The following TRMT9B variants were observed in gnomAD, a reference collection of about 807,000 sequenced individuals.
TRMT9B encodes tRNA methyltransferase 9B (putative).
TRMT9B carries 16 observed loss-of-function variants against 11.5 expected under a neutral mutation model. The ratio of observed to expected loss-of-function variants is 1.39; its 90% CI spans 0.94 to 2.11. TRMT9B has a LOEUF of 2.11. Among genes scored for constraint, TRMT9B ranks in the 30% most tolerant of loss-of-function variants. TRMT9B has a pLI of 0.00. For missense variants in TRMT9B, 941 were observed against 553.8 expected (o/e 1.70, Z -7.02); for synonymous variants, 274 against 192.4 (o/e 1.42, Z -3.51).
chr8:12,960,285 G>C (rs1201507020), intron 1 of TRMT9B: 1 of 152,226 alleles, frequency 6.6e-6, no homozygotes, highest in Non-Finnish European at 1.5e-5. Flanking sequence ...GTCACTAGTA[G>C]TAACCAAGCT....
rs191837653 is a variant in TRMT9B, at chr8:13,011,654, G to A, written c.155-1030G>A. ...ACTACCTACCTCAATCATAACATCAGTAAGACCTCAATGATCTAAATATTT... is the reference window on the plus strand; with the variant it reads ...ACTACCTACCTCAATCATAACATCAATAAGACCTCAATGATCTAAATATTT... On this transcript the variant is annotated intron_variant, in intron 3 of 4. Coordinates refer to ENST00000524591, the MANE Select transcript of TRMT9B (RefSeq NM_020844.3). 45 of 979,386 alleles carry A rather than the reference G, an allele frequency of 4.6e-5. No homozygotes were observed. In the East Asian group the frequency reaches 3.9e-3, roughly 84 times the overall value. 60.7% of individuals were successfully genotyped at this position (979,386 alleles called of 1,614,324 possible).
At chr8:12,999,209 G>C (rs1167400063) in intron 2 of TRMT9B, among the ~76,000 whole-genome samples, 1 of 148,792 alleles carries the variant, frequency 6.7e-6, no homozygotes. Context: ...TGAGGCAGGA[G>C]AATCGCTTGA....
At chr8:12,955,645 C>A (rs1226469344) in intron 1 of TRMT9B, among the ~76,000 whole-genome samples, 2 of 152,120 alleles carry the variant, frequency 1.3e-5, no homozygotes, top group East Asian at 1.9e-4. Context: ...GTGTTACGTC[C>A]CATTTTGCTG....
chr8:12,983,845 C>T (rs528970792), intron 1 of TRMT9B, among the ~76,000 whole-genome samples: 39 of 152,224 alleles, frequency 2.6e-4, no homozygotes, highest in African/African-American at 8.9e-4. Context: ...AAAGCGTGCT[C>T]TTATTTGTTG....
intron 3 of TRMT9B, chr8:13,011,730 A>G (rs936653612): frequency 1.0e-6 from 1 of 972,304 alleles, no homozygotes; most frequent in Non-Finnish European, 1.2e-6. Flanking sequence ...GAAAGTGAAT[A>G]TCAAAAATTG....
intron 4 of TRMT9B, among the ~76,000 whole-genome samples, chr8:13,014,664 C>A (rs2128896456): frequency 6.6e-6 from 1 of 152,280 alleles, no homozygotes; most frequent in Admixed American, 6.5e-5. Context: ...AGTCTATAAC[C>A]CGGAGAAAAC....
At chr8:12,976,586 A>T (rs1451068891) in intron 1 of TRMT9B, among the ~76,000 whole-genome samples, 1 of 152,102 alleles carries the variant, frequency 6.6e-6, no homozygotes, top group Non-Finnish European at 1.5e-5. Context: ...CTAAAAATAC[A>T]AAAAATAAAA....
intron 1 of TRMT9B, chr8:12,958,383 G>A (rs1801593861): frequency 6.6e-6 from 1 of 152,098 alleles, no homozygotes; most frequent in South Asian, 2.1e-4. Flanking sequence ...ATTAAAAATG[G>A]AAGGAAAAGA....
intron 1 of TRMT9B, among the ~76,000 whole-genome samples, chr8:12,978,185 C>T (rs1269375957): frequency 6.6e-6 from 1 of 152,176 alleles, no homozygotes; most frequent in Non-Finnish European, 1.5e-5. Context: ...ATGTGCATAA[C>T]TCACAAACTT....
intron 1 of TRMT9B, among the ~76,000 whole-genome samples, chr8:12,976,910 T>G (rs929687285): frequency 1.4e-4 from 21 of 151,820 alleles, no homozygotes; most frequent in African/African-American, 5.1e-4. Context: ...TGGGAGGGAG[T>G]TGGGGTAATA....
At chr8:13,015,849 A>G (rs1180068590) in intron 4 of TRMT9B, among the ~76,000 whole-genome samples, 1 of 152,100 alleles carries the variant, frequency 6.6e-6, no homozygotes. Context: ...CCATCTTCGA[A>G]TTAAAAATGC....
chr8:12,976,541 A>G (rs889086018), intron 1 of TRMT9B, among the ~76,000 whole-genome samples: 2 of 152,026 alleles, frequency 1.3e-5, no homozygotes, highest in African/African-American at 4.8e-5. Flanking sequence ...GGAGTTTGAG[A>G]CCAGCCTGGG....
chr8:12,975,391 A>C (rs1469165832), intron 1 of TRMT9B, among the ~76,000 whole-genome samples: 1 of 152,156 alleles, frequency 6.6e-6, no homozygotes, highest in Admixed American at 6.5e-5. Context: ...AGAACTTATT[A>C]ATTGCTCCTT....
At chr8:12,990,537 C>T (rs190098302) in intron 1 of TRMT9B, among the ~76,000 whole-genome samples, 110 of 151,982 alleles carry the variant, frequency 7.2e-4, no homozygotes, top group Non-Finnish European at 1.4e-3. Flanking sequence ...TAATTAAGCC[C>T]CTGGAATCAG....
At chr8:13,010,207 T>C (rs1811338806) in intron 3 of TRMT9B, 3 of 853,180 alleles carry the variant, frequency 3.5e-6, no homozygotes, top group Non-Finnish European at 4.2e-6. Flanking sequence ...ACTACATCTA[T>C]AGTAAATATC....
At chr8:13,020,877 TG>T in intron 4 of TRMT9B, 130 bp from the exon 5 acceptor site, 1 of 581,474 alleles carries the variant, frequency 1.7e-6, no homozygotes, top group African/African-American at 1.9e-5. Context: ...TCATCATCGT[TG>T]CCATGGAGGA....
rs148115840 is a variant in TRMT9B at position 12,984,648 on chromosome 8, C to T, written c.-199-6186C>T. 1.1e-4 allele frequency among the ~76,000 whole-genome samples: 16 copies of T among 152,146 alleles called. 1 individual carries two copies. The highest frequency in any genetic ancestry group is 2.9e-4 in the African/African-American group (12 of 41,510). On this transcript the variant is annotated intron_variant, in intron 1 of 4. Transcript: ENST00000524591. The stretch of plus-strand genomic sequence containing the variant: ...CTTCCACGGTACTATTTTGGGGGAC[C>T]TATTGCTTTTATCTCAACAAAACTG...
rs75755027 is a variant in TRMT9B, at chr8:13,008,634, C to G, written c.154+2278C>G. On this transcript the variant is annotated intron_variant, in intron 3 of 4. Coordinates refer to ENST00000524591, the MANE Select transcript of TRMT9B (RefSeq NM_020844.3). ...ACCCTATAAAAATGGAAAAGTTCCA[C>G]AAGACAAAAATCTAGACAGACATAC... 5.6e-3 allele frequency among the ~76,000 whole-genome samples: 859 copies of G among 152,294 alleles called. 3 individuals carry two copies. The highest frequency in any genetic ancestry group is 0.02 in the African/African-American group (829 of 41,564).
chr8:13,012,725 C>T lies in TRMT9B; in HGVS notation c.196C>T (p.His66Tyr). 2.5e-6 allele frequency: 4 copies of T among 1,613,932 alleles called. No homozygotes were observed. The highest frequency in any genetic ancestry group is 3.4e-6 in the Non-Finnish European group (4 of 1,179,864). ...ATATCTTAAAGTGAACAGCCAGGTACATACCGTGGGCTGTGACTACTGTGG... is the reference window on the plus strand; with the variant it reads ...ATATCTTAAAGTGAACAGCCAGGTATATACCGTGGGCTGTGACTACTGTGG... Reference protein sequence around the residue: ...GKYLKVNSQVHTVGCDYCGPL... With the variant: ...GKYLKVNSQVYTVGCDYCGPL... The change falls in exon 4 of 5, where the codon CAT becomes TAT. Residue 66 changes from histidine (H) to tyrosine (Y), a missense_variant. Coordinates refer to ENST00000524591, the MANE Select transcript of TRMT9B (RefSeq NM_020844.3).
Sources: allele counts gnomAD v4.1 joint callset (sites outside exome capture counted in the v4.1 genomes callset), GRCh38; gene constraint gnomAD v4.1.1; transcripts MANE v1.5; gene names NCBI Gene and HGNC (gene_info 2026-07-23, HGNC 2026-07-21).